SNTG1: variants seen among roughly 807,000 people sequenced by gnomAD.
SNTG1 encodes gamma-1-syntrophin.
Under a neutral mutation model 74.7 loss-of-function variants are expected in SNTG1, and 39 were observed. The observed-to-expected ratio is 0.52, with a 90% CI of 0.40 to 0.68. The LOEUF is 0.68. Ranked by LOEUF, SNTG1 falls within the 30% of genes least tolerant of loss-of-function variation. The pLI is 0.00. For missense variants in SNTG1, 685 were observed against 609.5 expected, an observed-to-expected ratio of 1.12 and a Z score of -1.30; for synonymous variants, 254 against 217.1, an observed-to-expected ratio of 1.17 and a Z score of -1.49.
intron 18 of SNTG1, among the ~76,000 whole-genome samples, chr8:50,759,698 A>T (rs1412307661): frequency 6.6e-6 from 1 of 151,490 alleles, no homozygotes; most frequent in Non-Finnish European, 1.5e-5. Context: ...ATATATATGT[A>T]TATATATGTC....
chr8:50,605,658 ATCCTCT>A (rs2094807131), intron 13 of SNTG1, among the ~76,000 whole-genome samples: 1 of 151,990 alleles, frequency 6.6e-6, no homozygotes, highest in South Asian at 2.1e-4. Context: ...TTTCTTTTCT[ATCCTCT>A]TCAGTACTTT....
intron 2 of SNTG1, among the ~76,000 whole-genome samples, chr8:50,223,347 C>T (rs955427416): frequency 2.0e-5 from 3 of 151,940 alleles, no homozygotes; most frequent in African/African-American, 4.8e-5. Context: ...TTTTATATGG[C>T]TAGTACAACT....
At chr8:50,150,204 T>C (rs1477743306) in intron 1 of SNTG1, among the ~76,000 whole-genome samples, 2 of 152,170 alleles carry the variant, frequency 1.3e-5, no homozygotes, top group Non-Finnish European at 2.9e-5. Flanking sequence ...TGTCTGTTAT[T>C]GGTGTATAAG....
intron 15 of SNTG1, among the ~76,000 whole-genome samples, chr8:50,672,110 G>T (rs1319523077): frequency 1.3e-5 from 2 of 150,474 alleles, no homozygotes; most frequent in Non-Finnish European, 3.0e-5. Context: ...CAAGTTAATG[G>T]GTGCAGCACA....
intron 10 of SNTG1, 92 bp from the exon 11 acceptor site, chr8:50,536,586 A>G: frequency 6.9e-7 from 1 of 1,455,696 alleles, no homozygotes; most frequent in Non-Finnish European, 9.3e-7. Flanking sequence ...ATTTAGGGGA[A>G]AAATAATATC....
At chr8:50,253,249 C>T (rs544037496) in intron 2 of SNTG1, among the ~76,000 whole-genome samples, 1 of 152,086 alleles carries the variant, frequency 6.6e-6, no homozygotes, top group Admixed American at 6.6e-5. Context: ...CATGGAGAAA[C>T]CCTGTGTCTA....
intron 15 of SNTG1, among the ~76,000 whole-genome samples, chr8:50,704,205 A>T (rs967822415): frequency 1.3e-5 from 2 of 152,174 alleles, no homozygotes; most frequent in Non-Finnish European, 2.9e-5. Flanking sequence ...TTGCTTATAA[A>T]GTTCCTTAAA....
At chr8:50,550,903 C>A (rs1162101664) in intron 11 of SNTG1, among the ~76,000 whole-genome samples, 1 of 152,018 alleles carries the variant, frequency 6.6e-6, no homozygotes, top group Non-Finnish European at 1.5e-5. Flanking sequence ...CAGTTTTTCC[C>A]TAGTGCTTGA....
chr8:50,615,664 T>G (rs2094880991), intron 13 of SNTG1, among the ~76,000 whole-genome samples: 1 of 152,126 alleles, frequency 6.6e-6, no homozygotes, highest in South Asian at 2.1e-4. Flanking sequence ...GAGACAGAAA[T>G]CACACCAGTT....
chr8:50,205,031 C>T (rs909970038), intron 2 of SNTG1, among the ~76,000 whole-genome samples: 7 of 152,130 alleles, frequency 4.6e-5, no homozygotes, highest in Admixed American at 6.6e-5. Context: ...AATAAACATA[C>T]GTGTGCATGT....
At chr8:50,395,944 T>A (rs1014635314) in intron 3 of SNTG1, among the ~76,000 whole-genome samples, 1 of 152,226 alleles carries the variant, frequency 6.6e-6, no homozygotes. Flanking sequence ...GAGATACTTA[T>A]GGGACACATG....
At chr8:50,195,319 C>T (rs2083723956) in intron 2 of SNTG1, among the ~76,000 whole-genome samples, 1 of 151,872 alleles carries the variant, frequency 6.6e-6, no homozygotes, top group Non-Finnish European at 1.5e-5. Context: ...GAGTCTGTTT[C>T]CAAGGAGAGG....
intron 4 of SNTG1, among the ~76,000 whole-genome samples, chr8:50,433,962 C>T (rs996367446): frequency 6.6e-6 from 1 of 152,114 alleles, no homozygotes; most frequent in East Asian, 1.9e-4. Flanking sequence ...CATATGTATA[C>T]ATGTGCCATG....
chr8:50,279,593 C>T (rs927741722), intron 2 of SNTG1, among the ~76,000 whole-genome samples: 2 of 152,034 alleles, frequency 1.3e-5, no homozygotes, highest in Non-Finnish European at 2.9e-5. Context: ...TTTCTCTGCC[C>T]TTTTTGAGTT....
chr8:50,757,208 CAT>C (rs748495280), intron 18 of SNTG1, among the ~76,000 whole-genome samples: 14 of 151,722 alleles, frequency 9.2e-5, no homozygotes, highest in South Asian at 2.1e-4. Context: ...TTGATACAGA[CAT>C]GTGATTTTTC....
intron 9 of SNTG1, among the ~76,000 whole-genome samples, chr8:50,513,230 G>A (rs538611152): frequency 6.6e-5 from 10 of 152,256 alleles, no homozygotes; most frequent in South Asian, 4.1e-4. Context: ...GCAGAACAGC[G>A]GATATTGGTG....
At chr8:50,199,299 C>A (rs2083897818) in intron 2 of SNTG1, among the ~76,000 whole-genome samples, 1 of 150,886 alleles carries the variant, frequency 6.6e-6, no homozygotes, top group East Asian at 2.0e-4. Context: ...CTCACTGCAA[C>A]CTCTGTCTCC....
chr8:50,581,153 A>G (rs997205613), intron 12 of SNTG1, among the ~76,000 whole-genome samples: 3 of 152,202 alleles, frequency 2.0e-5, no homozygotes, highest in African/African-American at 7.2e-5. Flanking sequence ...TCTTATCAAG[A>G]GCACATAAAA....
At chr8:50,151,077 C>T (rs2082051763) in intron 1 of SNTG1, among the ~76,000 whole-genome samples, 1 of 152,124 alleles carries the variant, frequency 6.6e-6, no homozygotes, top group Admixed American at 6.5e-5. Flanking sequence ...TAATTATTTC[C>T]TCAATTTCAG....
Sources: gnomAD v4.1 joint callset for allele counts (sites outside exome capture counted in the v4.1 genomes callset) on GRCh38, gnomAD v4.1.1 for gene constraint, MANE v1.5 for transcripts, NCBI Gene and HGNC (gene_info 2026-07-23, HGNC 2026-07-21) for gene names.